The following TTN variants were observed in gnomAD, a reference collection of about 807,000 sequenced individuals.
TTN encodes the protein connectin.
A neutral mutation model predicts 3,223.0 loss-of-function variants in TTN; 1,525 were observed. The ratio of observed to expected loss-of-function variants is 0.47; its 90% CI spans 0.45 to 0.49. The LOEUF (loss-of-function observed/expected upper bound fraction) is 0.49, where lower values mean the gene tolerates loss of function less well. Ranked by LOEUF, TTN falls within the 20% of genes least tolerant of loss-of-function variation. TTN has a pLI of 0.00. For missense variants in TTN, 40,786 were observed against 43,424.0 expected, an observed-to-expected ratio of 0.94 and a Z score of 5.40; for synonymous variants, 14,094 against 15,161.0, an observed-to-expected ratio of 0.93 and a Z score of 5.17.
chr2:178,604,172 T>G lies in TTN; in HGVS notation c.54515A>C (p.Lys18172Thr), dbSNP rs1236991246. 1.9e-6 allele frequency: 3 copies of G among 1,612,182 alleles called. No individual in the cohort carries two copies. The highest frequency in any genetic ancestry group is 2.2e-5 in the East Asian group (1 of 44,704). Residue 18172 changes from lysine to threonine, a missense_variant, in exon 282 of 363, where the codon AAA becomes ACA. By Grantham distance (78) the Lys-to-Thr change is moderately conservative. Transcript: ENST00000589042. ...TTTGGTGCGTGCCAAAACTTTTGGT[T>G]TTCCTGGAGGTCCAGGAAGGCGATA... ...DPYRLPGPPG[K>T]PKVLARTKGS...
chr2:178,641,754 C>T (rs1038528310), intron 219 of TTN, among the ~76,000 whole-genome samples: 2 of 151,836 alleles, frequency 1.3e-5, no homozygotes, highest in African/African-American at 4.8e-5. Flanking sequence ...CTTAATTCTT[C>T]ATTTGACTAT....
intron 321 of TTN, 128 bp downstream of exon 321, chr2:178,578,481 GTA>G (rs1172999278): frequency 1.7e-5 from 12 of 698,342 alleles, no homozygotes; most frequent in Non-Finnish European, 2.7e-5. Context: ...TTAACCATAT[GTA>G]CTGAAATAAA....
At position 178,771,411 on chromosome 2, in the gene TTN, A is replaced by G; in HGVS notation, c.7916T>C (p.Phe2639Ser). 1 of 1,613,994 alleles carries G rather than the reference A, an allele frequency of 6.2e-7. No individual in the cohort carries two copies. The highest frequency in any genetic ancestry group is 2.2e-5 in the East Asian group (1 of 44,864). The change falls in exon 34 of 363, where the codon TTT (phenylalanine) becomes TCT (serine). Residue 2639 changes from phenylalanine to serine, a missense_variant. Coordinates refer to ENST00000589042, the MANE Select transcript of TTN (RefSeq NM_001267550.2). ...ATCTGGGTTGGCAACTTCACATTCA[A>G]ACACAGCTTCCTGGGATTCAGCTAC... is the stretch of plus-strand genomic sequence containing the variant. The part of the protein sequence containing the change: ...QTVAESQEAV[F>S]ECEVANPDSK...
intron 240 of TTN, 38 bp from the exon 241 acceptor site, chr2:178,625,434 T>C (rs1259854165): frequency 6.6e-7 from 1 of 1,526,070 alleles, no homozygotes. Context: ...GAAACAGCAA[T>C]CTAGTATATG....
intron 147 of TTN, 107 bp from the exon 148 acceptor site, chr2:178,676,102 A>G: frequency 9.7e-7 from 1 of 1,030,114 alleles, no homozygotes; most frequent in South Asian, 1.6e-5. Context: ...GTCGCTCAAG[A>G]CAGGTCTGTC....
Position 178,794,494 on chromosome 2 carries a change from T to C in TTN, c.1303A>G (p.Met435Val). 1.2e-6 allele frequency: 2 copies of C among 1,614,168 alleles called. No individual in the cohort carries two copies. Among genetic ancestry groups the C allele is most frequent in the Non-Finnish European group, 1.7e-6 (2 of 1,179,992 alleles). The change falls in exon 8 of 363, where the codon ATG (methionine) becomes GTG (valine). Residue 435 changes from methionine (M) to valine (V), a missense_variant. Coordinates refer to ENST00000589042, the MANE Select transcript of TTN (RefSeq NM_001267550.2). The stretch of plus-strand genomic sequence containing the variant: ...ATCACTGGTTCTCTCACTCTGGCCA[T>C]ATCAACGGCAGCAACAACAGTCGCA... ...AVATVVAAVD[M>V]ARVREPVISA...
chr2:178,622,629 G>A, intron 243 of TTN, 41 bp downstream of exon 243: 1 of 1,507,468 alleles, frequency 6.6e-7, no homozygotes, highest in Non-Finnish European at 9.0e-7. Flanking sequence ...TAAATATAAA[G>A]TTATTTGACA....
Position 178,590,729 on chromosome 2 carries a change from C to T in TTN, c.60996G>A (p.Val20332=), listed in dbSNP as rs2154184568. 1 of 1,612,330 alleles carries T rather than the reference C, an allele frequency of 6.2e-7. No individual in the cohort carries two copies. Among genetic ancestry groups the T allele is most frequent in the East Asian group, 2.2e-5 (1 of 44,772 alleles). Reference sequence around the variant, plus strand: ...ATGTATTTCCTTCATAGAGTCCAGTCACTCTGAACTTCAGGTCAGCGATAG... The same window carrying T: ...ATGTATTTCCTTCATAGAGTCCAGTTACTCTGAACTTCAGGTCAGCGATAG... ...KTPIADLKFR[V]TGLYEGNTYE... The change falls in exon 304 of 363, where the codon GTG becomes GTA. Residue 20332 remains valine, a synonymous_variant. Coordinates refer to ENST00000589042, the MANE Select transcript of TTN (RefSeq NM_001267550.2).
In TTN at chr2:178,733,382, C is replaced by G; in HGVS notation, c.15911G>C (p.Ser5304Thr). Reference sequence around the variant, plus strand: ...TTTAAAACTTATTCGGTATTTTTTACTGGCGACCAAGGGTCTCCCATCTTT... The same window carrying G: ...TTTAAAACTTATTCGGTATTTTTTAGTGGCGACCAAGGGTCTCCCATCTTT... ...WYKDGRPLVA[S>T]KKYRISFKNN... The change falls in exon 54 of 363, where the codon AGT (serine) becomes ACT (threonine). Residue 5304 changes from serine to threonine, a missense_variant. Physicochemically the swap from Ser to Thr is moderately conservative, Grantham distance 58. Transcript: ENST00000589042. 6.2e-7 allele frequency: 1 copy of G among 1,613,820 alleles called. No individual in the cohort carries two copies. Among genetic ancestry groups the G allele is most frequent in the Non-Finnish European group, 8.5e-7 (1 of 1,179,786 alleles).
chr2:178,553,541 T>C lies in TTN; in HGVS notation c.89464A>G (p.Ile29822Val). Residue 29822 changes from isoleucine (I) to valine (V), a missense_variant, in exon 334 of 363, where the codon ATA becomes GTA. Ile to Val is a conservative substitution (Grantham distance 29, BLOSUM62 3). Coordinates refer to ENST00000589042, the MANE Select transcript of TTN (RefSeq NM_001267550.2). ...GCTTGTACAGGTTCATTCATTTCTA[T>C]AGGTTCTCCTTGTCCAGCACAGTTT... Reference protein sequence around the residue: ...AVNCAGQGEPIEMNEPVQAKD... With the variant: ...AVNCAGQGEPVEMNEPVQAKD... The C allele has an allele frequency of 6.2e-7, 1 of 1,613,742 alleles. No individual in the cohort carries two copies. Among genetic ancestry groups the C allele is most frequent in the Non-Finnish European group, 8.5e-7 (1 of 1,179,716 alleles).
intron 240 of TTN, among the ~76,000 whole-genome samples, chr2:178,626,072 A>C (rs559494255): frequency 2.0e-5 from 3 of 151,980 alleles, no homozygotes; most frequent in Non-Finnish European, 4.4e-5. Context: ...TAAAGGAAGA[A>C]CTTAGAAAAG....
Position 178,773,950 on chromosome 2 carries a change from G to T in TTN, c.7218C>A (p.Asp2406Glu). The change falls in exon 31 of 363, where the codon GAC becomes GAA. Residue 2406 changes from aspartate to glutamate, a missense_variant. Coordinates refer to ENST00000589042, the MANE Select transcript of TTN (RefSeq NM_001267550.2). ...CAATGAGCAGCATATGAGATTGTTT[G>T]TCTATCACAATGTGAACCCTGTCAC... ...QPSDRVHIVI[D>E]KQSHMLLIED... is the part of the protein sequence containing the mutation. The T allele has an allele frequency of 6.2e-7, 1 of 1,614,098 alleles. No individual in the cohort carries two copies. The highest frequency in any genetic ancestry group is 1.1e-5 in the South Asian group (1 of 91,086).
Position 178,781,191 on chromosome 2 carries a change from A to G in TTN, c.3453T>C (p.Ala1151=). ...TGCGAACAACAATAGTGTATTCTCC[A>G]GCATCATCAGCAAAAGTCATAGAAA... ...LVISMTFADD[A]GEYTIVVRNK... Residue 1151 remains alanine, a synonymous_variant, in exon 21 of 363, where the codon GCT becomes GCC. Transcript: ENST00000589042. 1 of 1,614,076 alleles carries G rather than the reference A, an allele frequency of 6.2e-7. No homozygotes were observed. The highest frequency in any genetic ancestry group is 8.5e-7 in the Non-Finnish European group (1 of 1,179,982).
Position 178,666,920 on chromosome 2 carries a change from T to G in TTN, c.35798-19A>C. On this transcript the variant is annotated intron_variant, in intron 162 of 362. Transcript: ENST00000589042. Reference sequence around the variant, plus strand: ...TCAAACTCTTTAAAGATATTAGTATTTTTTTTAATTGAGAAAAGGCAAAGG... The same window carrying G: ...TCAAACTCTTTAAAGATATTAGTATGTTTTTTAATTGAGAAAAGGCAAAGG... 6.6e-7 allele frequency: 1 copy of G among 1,507,684 alleles called. No homozygotes were observed. Among genetic ancestry groups the G allele is most frequent in the Non-Finnish European group, 8.9e-7 (1 of 1,129,402 alleles). 93.4% of individuals were successfully genotyped at this position (1,507,684 alleles called of 1,614,324 possible).
chr2:178,694,552 T>G, intron 117 of TTN, 47 bp downstream of exon 117: 1 of 1,463,898 alleles, frequency 6.8e-7, no homozygotes. Context: ...TCCATACACA[T>G]AAATAAAAAA....
rs1166983265 is a variant in TTN at position 178,650,351 on chromosome 2, T to C, written c.39710-80A>G. The C allele has an allele frequency of 7.2e-6, 9 of 1,255,792 alleles. No individual in the cohort carries two copies. The East Asian group carries it at 2.1e-4, about 29-fold the overall frequency. 77.8% of individuals were successfully genotyped at this position (1,255,792 alleles called of 1,614,324 possible). A position where few individuals can be genotyped will look rare whatever the true frequency, so the allele number is the denominator to read the frequency against. Reference sequence around the variant, plus strand: ...GACAAACACTAAACACGATAAATAGTAATCTTGATTTCTTCCTTTGTTTCA... The same window carrying C: ...GACAAACACTAAACACGATAAATAGCAATCTTGATTTCTTCCTTTGTTTCA... On this transcript the variant is annotated intron_variant, in intron 209 of 362. Coordinates refer to ENST00000589042, the MANE Select transcript of TTN (RefSeq NM_001267550.2).
In TTN at chr2:178,589,583, G is replaced by T; in HGVS notation, c.62142C>A (p.Asp20714Glu). Reference protein sequence around the residue: ...HVERRLKGSDDWERVHKGSIK... With the variant: ...HVERRLKGSDEWERVHKGSIK... Reference sequence around the variant, plus strand: ...TGCTTCCTTTATGCACTCTTTCCCAGTCATCGGAGCCCTTAAGCCTTCTCT... The same window carrying T: ...TGCTTCCTTTATGCACTCTTTCCCATTCATCGGAGCCCTTAAGCCTTCTCT... Residue 20714 changes from aspartate (D) to glutamate (E), a missense_variant, in exon 304 of 363, where the codon GAC (aspartate) becomes GAA (glutamate). Asp to Glu is a conservative substitution (Grantham distance 45). Coordinates refer to ENST00000589042, the MANE Select transcript of TTN (RefSeq NM_001267550.2). 6.2e-7 allele frequency: 1 copy of T among 1,613,316 alleles called. No homozygotes were observed. Among genetic ancestry groups the T allele is most frequent in the Non-Finnish European group, 8.5e-7 (1 of 1,179,580 alleles).
At chr2:178,751,886 G>C (rs766645011) in intron 47 of TTN, 14 of 1,604,548 alleles carry the variant, frequency 8.7e-6, no homozygotes, top group African/African-American at 1.3e-5. Flanking sequence ...CTGGGTAAAA[G>C]AAGGCTTAAA....
intron 45 of TTN, 31 bp from the exon 46 acceptor site, chr2:178,756,828 G>T: frequency 6.3e-7 from 1 of 1,589,770 alleles, no homozygotes; most frequent in Non-Finnish European, 8.6e-7. Flanking sequence ...AAAAAGAAAA[G>T]AATATTAAGA....
Sources: allele counts gnomAD v4.1 joint callset (sites outside exome capture counted in the v4.1 genomes callset), GRCh38; gene constraint gnomAD v4.1.1; transcripts MANE v1.5; gene names NCBI Gene and HGNC (gene_info 2026-07-23, HGNC 2026-07-21).